The following KANK1 variants were observed in gnomAD, a reference collection of about 807,000 sequenced individuals.
The protein encoded by KANK1 is KN motif and ankyrin repeat domains 1, also known as KN motif and ankyrin repeat domain-containing protein 1.
Under a neutral mutation model 106.2 loss-of-function variants are expected in KANK1, and 109 were observed. That is an observed-to-expected ratio of 1.03 (90% CI 0.88 to 1.20). KANK1 has a LOEUF of 1.20. KANK1 is among the 50% of genes most tolerant of loss of function. KANK1 has a pLI of 0.00. For synonymous variants in KANK1, 873 were observed against 652.2 expected (o/e 1.34, Z -5.16); for missense variants, 2,399 against 1,710.7 (o/e 1.40, Z -7.10).
chr9:510,300 G>A (rs1587363249), intron 1 of KANK1, among the ~76,000 whole-genome samples: 1 of 152,110 alleles, frequency 6.6e-6, no homozygotes, highest in East Asian at 1.9e-4. Context: ...GTTTACAAAG[G>A]TATTGAGCCA....
chr9:520,670 C>G (rs2059503231), intron 1 of KANK1, among the ~76,000 whole-genome samples: 1 of 151,744 alleles, frequency 6.6e-6, no homozygotes, highest in Non-Finnish European at 1.5e-5. Flanking sequence ...TAAATCTGCA[C>G]TTTGGGTTTT....
intron 1 of KANK1, among the ~76,000 whole-genome samples, chr9:573,426 C>T (rs191001408): frequency 5.1e-4 from 78 of 152,188 alleles, no homozygotes; most frequent in African/African-American, 1.7e-3. Flanking sequence ...CCCGCCACCA[C>T]GCGTGGCTAA....
chr9:720,354 T>C (rs184625390), intron 3 of KANK1, among the ~76,000 whole-genome samples: 1 of 152,342 alleles, frequency 6.6e-6, no homozygotes, highest in Non-Finnish European at 1.5e-5. Flanking sequence ...GCTGTCGTTT[T>C]GTTTTGTTGA....
chr9:568,826 T>A (rs955345363), intron 1 of KANK1, among the ~76,000 whole-genome samples: 1 of 152,278 alleles, frequency 6.6e-6, no homozygotes, highest in Non-Finnish European at 1.5e-5. Context: ...ATGTGTATGA[T>A]TAGAAGCAAA....
intron 1 of KANK1, among the ~76,000 whole-genome samples, chr9:664,843 C>G (rs1326190247): frequency 6.6e-6 from 1 of 152,166 alleles, no homozygotes; most frequent in Non-Finnish European, 1.5e-5. Flanking sequence ...ATGTTATTCC[C>G]TGTCTTTTTT....
chr9:706,029 T>C (rs1824062389), intron 2 of KANK1, among the ~76,000 whole-genome samples: 1 of 152,192 alleles, frequency 6.6e-6, no homozygotes, highest in Non-Finnish European at 1.5e-5. Context: ...CTAATTTATG[T>C]TGATGTATGT....
chr9:602,164 AG>A (rs770815773), intron 1 of KANK1, among the ~76,000 whole-genome samples: 2 of 152,012 alleles, frequency 1.3e-5, no homozygotes, highest in Non-Finnish European at 2.9e-5. Flanking sequence ...TTACATTGAT[AG>A]GATAGCATTA....
At position 712,491 on chromosome 9, in the gene KANK1, G is replaced by T. The variant is rs773159785; in HGVS notation, c.1725G>T (p.Val575=). 2 of 1,614,160 alleles carry T rather than the reference G, an allele frequency of 1.2e-6. No homozygotes were observed. The highest frequency in any genetic ancestry group is 3.3e-5 in the Admixed American group (2 of 60,020). The change falls in exon 3 of 12, where the codon GTG becomes GTT. Residue 575 remains valine (V), a synonymous_variant. Transcript: ENST00000382297. ...PMNWWIVKER[V]EMHDRCAGRS... ...ATTGGTGGATTGTTAAGGAGAGGGT[G>T]GAAATGCATGACCGATGTGCTGGGA...
intron 3 of KANK1, among the ~76,000 whole-genome samples, chr9:482,064 C>T (rs1247009832): frequency 6.6e-6 from 1 of 152,118 alleles, no homozygotes; most frequent in Non-Finnish European, 1.5e-5. Flanking sequence ...CCTCTCCCTT[C>T]TTATGAACTA....
rs373096889 is a variant in KANK1, at chr9:623,324, T to G, written c.-83-53566T>G. ...AAAGATGCTTGCCAGGTACGGTGGCTCATGCCTGTAATCTCACCATTTTGG... is the reference window on the plus strand; with the variant it reads ...AAAGATGCTTGCCAGGTACGGTGGCGCATGCCTGTAATCTCACCATTTTGG... On this transcript the variant is annotated intron_variant, in intron 1 of 11. Transcript: ENST00000382297. Among the ~76,000 whole-genome samples the G allele has an allele frequency of 2.3e-3, 347 of 152,170 alleles. 2 individuals carry two copies. Among genetic ancestry groups the G allele is most frequent in the Non-Finnish European group, 3.9e-3 (266 of 68,000 alleles).
intron 7 of KANK1, among the ~76,000 whole-genome samples, chr9:736,982 G>A (rs1380123550): frequency 6.6e-6 from 1 of 152,202 alleles, no homozygotes; most frequent in African/African-American, 2.4e-5. Flanking sequence ...AAATTGCCGA[G>A]CATGGTGTCA....
intron 3 of KANK1, among the ~76,000 whole-genome samples, chr9:482,139 G>A (rs1040488309): frequency 1.5e-4 from 23 of 152,062 alleles, no homozygotes; most frequent in Middle Eastern, 3.2e-3. Context: ...AGCCCTTAGC[G>A]CTCCCCTTGT....
intron 1 of KANK1, among the ~76,000 whole-genome samples, chr9:506,527 GGTGTGTGT>G (rs36217612): frequency 6.7e-6 from 1 of 149,548 alleles, no homozygotes; most frequent in Non-Finnish European, 1.5e-5. Flanking sequence ...GTGAGTTCTG[GGTGTGTGT>G]GTGTGTGTGT....
chr9:557,307 AAG>A (rs1360457095), intron 1 of KANK1, among the ~76,000 whole-genome samples: 2 of 152,238 alleles, frequency 1.3e-5, no homozygotes, highest in African/African-American at 4.8e-5. Context: ...AAAACAGAAA[AAG>A]AGGGAATATA....
In KANK1 at chr9:705,359, G is replaced by A. The variant is rs1173609872; in HGVS notation, c.38-5445G>A. Reference sequence around the variant, plus strand: ...AAAGTAGCTGGGCGTGGTGGCACACGCCTGTAATCCCAGCTCCTCGGGAGG... The same window carrying A: ...AAAGTAGCTGGGCGTGGTGGCACACACCTGTAATCCCAGCTCCTCGGGAGG... On this transcript the variant is annotated intron_variant, in intron 2 of 11. Transcript: ENST00000382297. Among the ~76,000 whole-genome samples the A allele has an allele frequency of 2.6e-5, 4 of 152,148 alleles. No homozygotes were observed. In the East Asian group the frequency reaches 5.8e-4, roughly 22 times the overall value.
chr9:703,314 G>A (rs752496541), intron 2 of KANK1, among the ~76,000 whole-genome samples: 1 of 151,094 alleles, frequency 6.6e-6, no homozygotes, highest in Non-Finnish European at 1.5e-5. Flanking sequence ...ATATGCCTTT[G>A]TCACTGATCT....
At chr9:571,766 G>A (rs111982710) in intron 1 of KANK1, among the ~76,000 whole-genome samples, 2,757 of 152,272 alleles carry the variant, frequency 0.018, 37 homozygotes, top group Non-Finnish European at 0.027. Flanking sequence ...GGTATGTTCT[G>A]TCATTTATCA....
intron 1 of KANK1, among the ~76,000 whole-genome samples, chr9:623,499 G>A (rs1346636968): frequency 6.6e-6 from 1 of 151,778 alleles, no homozygotes; most frequent in Non-Finnish European, 1.5e-5. Context: ...CTGAGGTGAG[G>A]AGGCTGAGGC....
chr9:504,252 G>A (rs1008789413), upstream of KANK1, among the ~76,000 whole-genome samples: 33 of 152,306 alleles, frequency 2.2e-4, no homozygotes, highest in African/African-American at 7.7e-4. Flanking sequence ...GGGTGTGTGT[G>A]CGAGGATGGA....
Sources: allele counts gnomAD v4.1 joint callset (sites outside exome capture counted in the v4.1 genomes callset), GRCh38; gene constraint gnomAD v4.1.1; transcripts MANE v1.5; gene names NCBI Gene and HGNC (gene_info 2026-07-23, HGNC 2026-07-21).